RGS17: variants seen among roughly 807,000 people sequenced by gnomAD.
The protein encoded by RGS17 is regulator of G protein signaling 17, also known as regulator of G-protein signaling 17.
RGS17 carries 12 observed loss-of-function variants against 25.5 expected under a neutral mutation model. The ratio of observed to expected loss-of-function variants is 0.47; its 90% CI spans 0.30 to 0.76. RGS17 has a LOEUF of 0.76. Ranked by LOEUF, RGS17 falls within the 30% of genes least tolerant of loss-of-function variation. The pLI, the probability that RGS17 is intolerant of heterozygous loss-of-function variation, is 0.07. For missense variants in RGS17, 196 were observed against 242.2 expected, an observed-to-expected ratio of 0.81 and a Z score of 1.27; for synonymous variants, 71 against 76.9, an observed-to-expected ratio of 0.92 and a Z score of 0.40.
intron 1 of RGS17, among the ~76,000 whole-genome samples, chr6:153,048,308 G>T (rs1435009600): frequency 6.6e-6 from 1 of 152,042 alleles, no homozygotes; most frequent in Non-Finnish European, 1.5e-5. Context: ...ATTTCATCTG[G>T]ATGTCACATC....
chr6:153,088,798 G>T (rs1010445543), intron 1 of RGS17, among the ~76,000 whole-genome samples: 2 of 151,794 alleles, frequency 1.3e-5, no homozygotes, highest in African/African-American at 4.8e-5. Flanking sequence ...TTATTTTGGG[G>T]GTATATCCAA....
chr6:153,050,761 A>C (rs1393398328), intron 1 of RGS17, among the ~76,000 whole-genome samples: 2 of 152,244 alleles, frequency 1.3e-5, no homozygotes, highest in African/African-American at 4.8e-5. Context: ...CACTAATTAC[A>C]GTATATTTAA....
At chr6:153,059,054 A>G (rs1776601027) in intron 1 of RGS17, among the ~76,000 whole-genome samples, 1 of 151,988 alleles carries the variant, frequency 6.6e-6, no homozygotes, top group Admixed American at 6.6e-5. Flanking sequence ...CAGTGAATAT[A>G]CCCATGTAAT....
chr6:153,082,429 C>G (rs1184249887), intron 1 of RGS17, among the ~76,000 whole-genome samples: 3 of 152,000 alleles, frequency 2.0e-5, no homozygotes, highest in Non-Finnish European at 4.4e-5. Flanking sequence ...TGGATAAATT[C>G]TATCACTAAA....
At chr6:153,125,354 T>G (rs531155449) in intron 1 of RGS17, among the ~76,000 whole-genome samples, 1 of 152,380 alleles carries the variant, frequency 6.6e-6, no homozygotes, top group East Asian at 1.9e-4. Context: ...TTATTAATCA[T>G]GCTAGAATAC....
chr6:153,128,514 G>T (rs1009708834), intron 1 of RGS17, among the ~76,000 whole-genome samples: 1 of 152,092 alleles, frequency 6.6e-6, no homozygotes, highest in African/African-American at 2.4e-5. Flanking sequence ...TTATCTCTAC[G>T]GCTTTAGATT....
intron 1 of RGS17, among the ~76,000 whole-genome samples, chr6:153,055,315 A>G (rs1269464230): frequency 6.6e-6 from 1 of 152,206 alleles, no homozygotes; most frequent in Admixed American, 6.5e-5. Flanking sequence ...TTTTTAAGCC[A>G]AACACATTTT....
chr6:153,127,788 C>G (rs536785116), intron 1 of RGS17, among the ~76,000 whole-genome samples: 1 of 152,270 alleles, frequency 6.6e-6, no homozygotes, highest in South Asian at 2.1e-4. Context: ...ACCATAAACA[C>G]GAGTTTTAGG....
At chr6:153,075,371 CTG>C (rs1375955701) in intron 1 of RGS17, among the ~76,000 whole-genome samples, 3 of 152,182 alleles carry the variant, frequency 2.0e-5, no homozygotes, top group African/African-American at 4.8e-5. Flanking sequence ...ACCCTGAAAA[CTG>C]TGTCTATTCA....
intron 1 of RGS17, among the ~76,000 whole-genome samples, chr6:153,093,670 C>T (rs551793486): frequency 6.6e-6 from 1 of 152,270 alleles, no homozygotes; most frequent in East Asian, 1.9e-4. Context: ...TCCACGTAGT[C>T]AAAGAGAACA....
chr6:153,103,393 G>A (rs546200162), intron 1 of RGS17, among the ~76,000 whole-genome samples: 1 of 152,240 alleles, frequency 6.6e-6, no homozygotes, highest in Non-Finnish European at 1.5e-5. Context: ...AGCAGAAGGC[G>A]GGGTGGAGGA....
At chr6:153,129,937 C>T (rs1211592225) in intron 1 of RGS17, among the ~76,000 whole-genome samples, 2 of 152,018 alleles carry the variant, frequency 1.3e-5, no homozygotes, top group African/African-American at 4.8e-5. Context: ...GGGCGCAGGG[C>T]GGGTCCCGTA....
chr6:153,056,184 C>T lies in RGS17; in HGVS notation c.-25-12141G>A, dbSNP rs9384073. On this transcript the variant is annotated intron_variant, in intron 1 of 4. Coordinates refer to ENST00000206262, the MANE Select transcript of RGS17 (RefSeq NM_012419.5). ...GCTGGTTAAACAGTTATGTTCAATT[C>T]TGCTCACTACAATTTAAGAAATAAA... Among the ~76,000 whole-genome samples, 13 of 152,260 alleles carry T rather than the reference C, an allele frequency of 8.5e-5. No individual in the cohort carries two copies. In the South Asian group the frequency reaches 2.3e-3, roughly 27 times the overall value.
intron 2 of RGS17, among the ~76,000 whole-genome samples, chr6:153,031,931 A>C (rs547334932): frequency 2.8e-4 from 43 of 152,312 alleles, no homozygotes; most frequent in Admixed American, 2.4e-3. Context: ...AAAGTGTGAA[A>C]GAGGAAGGAC....
chr6:153,088,857 C>T (rs1777087043), intron 1 of RGS17, among the ~76,000 whole-genome samples: 1 of 152,050 alleles, frequency 6.6e-6, no homozygotes. Context: ...GAGATAGTAC[C>T]ATGTATTTTT....
At chr6:153,092,344 CT>C (rs1298031204) in intron 1 of RGS17, among the ~76,000 whole-genome samples, 1 of 152,186 alleles carries the variant, frequency 6.6e-6, no homozygotes, top group Non-Finnish European at 1.5e-5. Context: ...TCAGGTAACA[CT>C]GCTTTAGGAC....
At chr6:153,034,534 A>G (rs1247023368) in intron 2 of RGS17, among the ~76,000 whole-genome samples, 1 of 152,216 alleles carries the variant, frequency 6.6e-6, no homozygotes, top group African/African-American at 2.4e-5. Context: ...ATAAAGGATT[A>G]CGCAGGGATT....
chr6:153,088,157 G>T (rs999633513), intron 1 of RGS17, among the ~76,000 whole-genome samples: 1 of 152,134 alleles, frequency 6.6e-6, no homozygotes, highest in African/African-American at 2.4e-5. Flanking sequence ...AAGTGAGTTT[G>T]GAAGTGAATT....
intron 4 of RGS17, among the ~76,000 whole-genome samples, chr6:153,023,625 A>T (rs776698874): frequency 1.3e-5 from 2 of 152,242 alleles, no homozygotes; most frequent in Non-Finnish European, 2.9e-5. Flanking sequence ...TTGCACTTTC[A>T]ATAACAGAAA....
Sources: gnomAD v4.1 joint callset for allele counts (sites outside exome capture counted in the v4.1 genomes callset) on GRCh38, gnomAD v4.1.1 for gene constraint, MANE v1.5 for transcripts, NCBI Gene and HGNC (gene_info 2026-07-23, HGNC 2026-07-21) for gene names.